The following AGBL1 variants were observed in gnomAD, a reference collection of about 807,000 sequenced individuals.
The protein encoded by AGBL1 is cytosolic carboxypeptidase 4.
AGBL1 carries 130 observed loss-of-function variants against 118.9 expected under a neutral mutation model. That is an observed-to-expected ratio of 1.09 (90% CI 0.95 to 1.26). The LOEUF (loss-of-function observed/expected upper bound fraction) is 1.26, where lower values mean the gene tolerates loss of function less well. AGBL1 is among the 50% of genes most tolerant of loss of function. AGBL1 has a pLI of 0.00. For missense variants in AGBL1, 1,584 were observed against 1,298.1 expected, an observed-to-expected ratio of 1.22 and a Z score of -3.38; for synonymous variants, 555 against 478.9, an observed-to-expected ratio of 1.16 and a Z score of -2.08.
rs907884961 is a variant in AGBL1 at position 86,261,586 on chromosome 15, A to G, written c.970-1192A>G. Among the ~76,000 whole-genome samples, 33 of 152,086 alleles carry G rather than the reference A, an allele frequency of 2.2e-4. 1 individual carries two copies. Among genetic ancestry groups the G allele is most frequent in the Admixed American group, 1.0e-3 (16 of 15,272 alleles). ...AGTACTGCCAGGTTTTTCCTTAACT[A>G]ATGAAATATACTTGTAAAACATATG... On this transcript the variant is annotated intron_variant, in intron 9 of 22. Transcript: ENST00000614907.
At chr15:86,642,399 A>G in intron 21 of AGBL1, among the ~76,000 whole-genome samples, 1 of 152,182 alleles carries the variant, frequency 6.6e-6, no homozygotes, top group East Asian at 1.9e-4. Flanking sequence ...TAAGTGTTTA[A>G]GAATTGACGA....
chr15:86,894,068 T>A (rs7168815), intron 22 of AGBL1, among the ~76,000 whole-genome samples: 9,204 of 152,242 alleles, frequency 0.06, 310 homozygotes, highest in South Asian at 0.097. Flanking sequence ...CAATACCGCC[T>A]AAAGTGACTT....
chr15:86,739,566 C>T (rs142027123), intron 22 of AGBL1, among the ~76,000 whole-genome samples: 455 of 147,734 alleles, frequency 3.1e-3, no homozygotes, highest in African/African-American at 9.6e-3. Flanking sequence ...CAGGTGAAAA[C>T]CATGATTTGC....
chr15:86,854,535 CA>C (rs2079451195), intron 22 of AGBL1, among the ~76,000 whole-genome samples: 1 of 152,264 alleles, frequency 6.6e-6, no homozygotes, highest in African/African-American at 2.4e-5. Context: ...CCCAAATAAA[CA>C]GTCAATTTGG....
chr15:86,236,013 G>A (rs1201322623), intron 6 of AGBL1, among the ~76,000 whole-genome samples: 5 of 152,232 alleles, frequency 3.3e-5, no homozygotes, highest in Admixed American at 2.6e-4. Context: ...TGACTTGCCC[G>A]AGATTGTGTA....
At chr15:86,481,080 A>G (rs1352197247) in intron 18 of AGBL1, among the ~76,000 whole-genome samples, 1 of 151,842 alleles carries the variant, frequency 6.6e-6, no homozygotes, top group Non-Finnish European at 1.5e-5. Context: ...GAGGAATAAA[A>G]TCTTTCCCAT....
At chr15:86,960,487 G>C (rs2080981090) in intron 23 of AGBL1, among the ~76,000 whole-genome samples, 1 of 152,022 alleles carries the variant, frequency 6.6e-6, no homozygotes, top group African/African-American at 2.4e-5. Context: ...CAAAACATTA[G>C]TGTTGTCAAA....
intron 17 of AGBL1, among the ~76,000 whole-genome samples, chr15:86,382,119 T>C (rs1268017473): frequency 6.6e-6 from 1 of 152,006 alleles, no homozygotes; most frequent in Non-Finnish European, 1.5e-5. Context: ...AGGGTGGCAA[T>C]GCAGGGTACC....
chr15:86,539,439 C>T (rs2083465974), intron 19 of AGBL1, among the ~76,000 whole-genome samples: 1 of 152,146 alleles, frequency 6.6e-6, no homozygotes, highest in South Asian at 2.1e-4. Flanking sequence ...CTTGCCTAGT[C>T]TCAGTCCCTC....
chr15:86,335,961 C>T (rs927114003), intron 17 of AGBL1, among the ~76,000 whole-genome samples: 6 of 152,198 alleles, frequency 3.9e-5, no homozygotes, highest in Admixed American at 2.0e-4. Context: ...AGCAATCAGC[C>T]CCTCTCGCAC....
chr15:86,826,560 T>C (rs917772631), intron 22 of AGBL1, among the ~76,000 whole-genome samples: 2 of 152,156 alleles, frequency 1.3e-5, no homozygotes, highest in Admixed American at 6.6e-5. Flanking sequence ...TTGTTAGATA[T>C]AGATTTCTGG....
chr15:87,000,357 T>G (rs2081423501), intron 24 of AGBL1, among the ~76,000 whole-genome samples: 1 of 118,578 alleles, frequency 8.4e-6, no homozygotes, highest in Non-Finnish European at 1.8e-5. Flanking sequence ...TTTTATGGTT[T>G]TAGGTCTAAC....
intron 9 of AGBL1, chr15:86,262,540 T>G: frequency 1.9e-6 from 1 of 533,618 alleles, no homozygotes; most frequent in Non-Finnish European, 3.4e-6. Context: ...AATTTTTATT[T>G]CTGATGAAGG....
chr15:86,383,517 G>A (rs2141965103), intron 17 of AGBL1, among the ~76,000 whole-genome samples: 1 of 152,296 alleles, frequency 6.6e-6, no homozygotes, highest in South Asian at 2.1e-4. Context: ...CATCTGGGAA[G>A]TAGAGGTTGC....
chr15:86,264,403 T>C lies in AGBL1; in HGVS notation c.1232T>C (p.Val411Ala), dbSNP rs372444093. 2.3e-5 allele frequency: 37 copies of C among 1,613,822 alleles called. No homozygotes were observed. The highest frequency in any genetic ancestry group is 3.1e-5 in the Non-Finnish European group (36 of 1,179,882). ...TGTGGGCAAGAAAGAGAATATGCTG[T>C]CCAGACTTCCCTTCTGTGCAGGGTG... ...SSCGQEREYA[V>A]QTSLLCRVKT... Residue 411 changes from valine (V) to alanine (A), a missense_variant, in exon 11 of 23, where the codon GTC (valine) becomes GCC (alanine). By Grantham distance (64) the Val-to-Ala change is moderately conservative. Coordinates refer to ENST00000614907, the MANE Select transcript of AGBL1 (RefSeq NM_001386094.1).
intron 14 of AGBL1, among the ~76,000 whole-genome samples, chr15:86,270,836 G>T (rs1377615997): frequency 1.3e-5 from 2 of 152,166 alleles, no homozygotes; most frequent in Non-Finnish European, 2.9e-5. Flanking sequence ...CTGGGGTTCA[G>T]AAGTCCAACA....
chr15:86,443,036 C>T (rs1261342639), intron 18 of AGBL1, among the ~76,000 whole-genome samples: 2 of 152,212 alleles, frequency 1.3e-5, no homozygotes, highest in Non-Finnish European at 2.9e-5. Flanking sequence ...CCAGCCTGTG[C>T]ATCTCTCCCC....
rs186749233 is a variant in AGBL1 at position 86,395,437 on chromosome 15, T to C, written c.2375-1929T>C. Among the ~76,000 whole-genome samples, 4 of 152,264 alleles carry C rather than the reference T, an allele frequency of 2.6e-5. No homozygotes were observed. In the East Asian group the frequency reaches 7.7e-4, roughly 29 times the overall value. ...AATGGCCTTACCTCTCTCAGTCATA[T>C]CTATTTTGGTGTTTTGTATACACCT... On this transcript the variant is annotated intron_variant, in intron 17 of 22. Coordinates refer to ENST00000614907, the MANE Select transcript of AGBL1 (RefSeq NM_001386094.1).
chr15:86,560,141 G>A (rs80023148), intron 21 of AGBL1, among the ~76,000 whole-genome samples: 1 of 149,892 alleles, frequency 6.7e-6, no homozygotes, highest in Non-Finnish European at 1.5e-5. Context: ...TTTTTTTCTT[G>A]TACTTTTTTT....
Sources: gnomAD v4.1 joint callset for allele counts (sites outside exome capture counted in the v4.1 genomes callset) on GRCh38, gnomAD v4.1.1 for gene constraint, MANE v1.5 for transcripts, NCBI Gene and HGNC (gene_info 2026-07-23, HGNC 2026-07-21) for gene names.